Variants in DPPA3 observed in about 807,000 individuals in gnomAD.
The protein encoded by DPPA3 is developmental pluripotency associated 3.
DPPA3 carries 9 observed loss-of-function variants against 15.6 expected under a neutral mutation model. The observed-to-expected ratio is 0.58, with a 90% confidence interval of 0.35 to 1.01. The LOEUF is 1.01. Ranked by LOEUF, DPPA3 falls within the 50% of genes least tolerant of loss-of-function variation. DPPA3 has a pLI of 0.02. For missense variants in DPPA3, 148 were observed against 194.6 expected, an observed-to-expected ratio of 0.76 and a Z score of 1.42; for synonymous variants, 61 against 70.9, an observed-to-expected ratio of 0.86 and a Z score of 0.70.
At position 7,715,440 on chromosome 12, in the gene DPPA3, G is replaced by T. The variant is rs2136893547; in HGVS notation, c.327+13G>T. 6.2e-7 allele frequency: 1 copy of T among 1,613,816 alleles called. No individual in the cohort carries two copies. The highest frequency in any genetic ancestry group is 2.2e-5 in the East Asian group (1 of 44,876). On this transcript the variant is annotated intron_variant, in intron 2 of 3. Coordinates refer to ENST00000345088, the MANE Select transcript of DPPA3 (RefSeq NM_199286.4). ...CGGAGTTCGTACGGTATGTTGATGT[G>T]ATGTGGCCGGGGCTGTCCAATTCCG...
At chr12:7,715,625 GTC>G (rs1396282619) in intron 2 of DPPA3, among the ~76,000 whole-genome samples, 198 bp downstream of exon 2, 1 of 151,928 alleles carries the variant, frequency 6.6e-6, no homozygotes, top group Non-Finnish European at 1.5e-5. Context: ...GTGAAACCCT[GTC>G]TCTACTAAAA....
At chr12:7,715,089 A>G in intron 1 of DPPA3, 94 bp from the exon 2 acceptor site, 1 of 1,569,148 alleles carries the variant, frequency 6.4e-7, no homozygotes, top group South Asian at 1.1e-5. Flanking sequence ...AATTTCCCAC[A>G]CAGCGCCCTG....
intron 1 of DPPA3, among the ~76,000 whole-genome samples, chr12:7,714,530 T>C (rs1001750834): frequency 6.6e-6 from 1 of 151,798 alleles, no homozygotes; most frequent in African/African-American, 2.4e-5. Context: ...CCTTTTTTTT[T>C]GAGACGGAGT....
chr12:7,715,475 A>G, intron 2 of DPPA3, 48 bp downstream of exon 2: 2 of 1,612,614 alleles, frequency 1.2e-6, no homozygotes, highest in Non-Finnish European at 1.7e-6. Context: ...GGAGAGTGAC[A>G]CTCATAAATT....
chr12:7,711,920 C>CT (rs71038727), intron 1 of DPPA3, among the ~76,000 whole-genome samples: 32,530 of 127,918 alleles, frequency 0.25, 4,675 homozygotes, highest in Non-Finnish European at 0.32. Context: ...CTTTTTTTTT[C>CT]TTTTTTTTTT....
chr12:7,716,268 C>CT, intron 3 of DPPA3, 29 bp downstream of exon 3: 1 of 1,415,840 alleles, frequency 7.1e-7, no homozygotes, highest in South Asian at 1.4e-5. Flanking sequence ...TTTTTATTTT[C>CT]CTTTTTTTTT....
intron 2 of DPPA3, 70 bp from the exon 3 acceptor site, chr12:7,716,128 T>C: frequency 7.6e-7 from 1 of 1,323,914 alleles, no homozygotes; most frequent in South Asian, 1.3e-5. Context: ...TTCTCTCCCT[T>C]ATATAGATGT....
intron 1 of DPPA3, among the ~76,000 whole-genome samples, chr12:7,712,897 G>A (rs1409620262): frequency 2.0e-5 from 3 of 152,144 alleles, no homozygotes; most frequent in African/African-American, 7.2e-5. Flanking sequence ...TTTTGAGACA[G>A]GCTTTCCAGC....
chr12:7,711,734 T>A, intron 1 of DPPA3, 82 bp downstream of exon 1: 11 of 910,530 alleles, frequency 1.2e-5, no homozygotes, highest in Non-Finnish European at 1.7e-5. Flanking sequence ...TTTTTTTTTT[T>A]TTTTTTTTTT....
chr12:7,715,140 T>C, intron 1 of DPPA3, 43 bp from the exon 2 acceptor site: 1 of 1,611,826 alleles, frequency 6.2e-7, no homozygotes, highest in Non-Finnish European at 8.5e-7. Flanking sequence ...GTGTGAATGT[T>C]GAAGATCCCC....
At chr12:7,716,348 T>C in intron 3 of DPPA3, 109 bp downstream of exon 3, 2 of 870,260 alleles carry the variant, frequency 2.3e-6, no homozygotes, top group Non-Finnish European at 1.8e-6. Context: ...GGGAATTTGC[T>C]TGGACTTTCT....
At chr12:7,716,821 A>T in intron 3 of DPPA3, 146 bp from the exon 4 acceptor site, 1 of 709,500 alleles carries the variant, frequency 1.4e-6, no homozygotes, top group South Asian at 1.7e-5. Flanking sequence ...TTCTCCTAAA[A>T]TGTTTTGCTT....
rs201370862 is a variant in DPPA3, at chr12:7,716,868, TC to T, written c.370-97del. ...GTCCTTTTTTGTGTGTGTTCCCTGT[TC>T]CAACACTTACCAAAATAAACAACAT... On this transcript the variant is annotated intron_variant, in intron 3 of 3. Transcript: ENST00000345088. The T allele has an allele frequency of 2.1e-3, 2,438 of 1,158,950 alleles. 31 individuals carry two copies. In the African/African-American group the frequency reaches 0.032, roughly 15 times the overall value. The allele number at this position is 1,158,950 out of a possible 1,614,324, so 71.8% of individuals were successfully genotyped here. A position where few individuals can be genotyped will look rare whatever the true frequency, so the allele number is the denominator to read the frequency against.
intron 1 of DPPA3, among the ~76,000 whole-genome samples, chr12:7,712,351 G>C (rs1864354624): frequency 6.6e-6 from 1 of 151,612 alleles, no homozygotes; most frequent in African/African-American, 2.4e-5. Flanking sequence ...CAAATACAGA[G>C]ACCAAATAAA....
At chr12:7,716,268 C>CTTT (rs1565455132) in intron 3 of DPPA3, 29 bp downstream of exon 3, 15 of 1,415,800 alleles carry the variant, frequency 1.1e-5, no homozygotes, top group African/African-American at 9.5e-5. Flanking sequence ...TTTTTATTTT[C>CTTT]CTTTTTTTTT....
At chr12:7,715,042 G>T (rs933686427) in intron 1 of DPPA3, 141 bp from the exon 2 acceptor site, 14 of 1,282,482 alleles carry the variant, frequency 1.1e-5, no homozygotes, top group Non-Finnish European at 1.1e-5. Context: ...AAAGACTAGA[G>T]GTTGTGCGTT....
chr12:7,715,230 T>C lies in DPPA3; in HGVS notation c.130T>C (p.Leu44=), dbSNP rs1864384673. 1 of 1,613,806 alleles carries C rather than the reference T, an allele frequency of 6.2e-7. No homozygotes were observed. The highest frequency in any genetic ancestry group is 1.3e-5 in the African/African-American group (1 of 74,998). Residue 44 remains leucine, a synonymous_variant, in exon 2 of 4, where the codon TTG becomes CTG. Transcript: ENST00000345088. ...SETLIKNLSN[L]TINASSESVS... ...GACGTTGATAAAGAACCTTAGTAAC[T>C]TGACTATCAACGCTAGTAGCGAATC...
intron 1 of DPPA3, 144 bp downstream of exon 1, chr12:7,711,796 C>T: frequency 3.0e-6 from 2 of 667,734 alleles, no homozygotes; most frequent in Non-Finnish European, 2.3e-6. Flanking sequence ...AGGTAAACCT[C>T]AAACCAGAGG....
chr12:7,713,587 C>A (rs779606659), intron 1 of DPPA3, among the ~76,000 whole-genome samples: 1 of 152,064 alleles, frequency 6.6e-6, no homozygotes, highest in Non-Finnish European at 1.5e-5. Flanking sequence ...CCTCACAGTT[C>A]GGATGGGAGA....
Sources: allele counts gnomAD v4.1 joint callset (sites outside exome capture counted in the v4.1 genomes callset), GRCh38; gene constraint gnomAD v4.1.1; transcripts MANE v1.5; gene names NCBI Gene and HGNC (gene_info 2026-07-23, HGNC 2026-07-21).